GABRB2: variants seen among roughly 807,000 people sequenced by gnomAD.
The protein encoded by GABRB2 is gamma-aminobutyric acid type A receptor subunit beta2, also known as gamma-aminobutyric acid receptor subunit beta-2.
GABRB2 carries 16 observed loss-of-function variants against 54.7 expected under a neutral mutation model. That is an observed-to-expected ratio of 0.29 (90% confidence interval 0.20 to 0.44). GABRB2 has a LOEUF of 0.44. Ranked by LOEUF, GABRB2 falls within the 20% of genes least tolerant of loss-of-function variation. The probability of loss-of-function intolerance (pLI) is 1.00; values close to 1 mark genes in which losing one functional copy is unlikely to be tolerated. For synonymous variants in GABRB2, 244 were observed against 233.8 expected (o/e 1.04, Z -0.40); for missense variants, 355 against 644.0 (o/e 0.55, Z 4.86).
intron 5 of GABRB2, among the ~76,000 whole-genome samples, chr5:161,373,976 T>C (rs560703545): frequency 6.6e-6 from 1 of 152,236 alleles, no homozygotes; most frequent in South Asian, 2.1e-4. Flanking sequence ...TGAGTTTTGC[T>C]CGTGTTGCCC....
chr5:161,494,308 T>C (rs1183405242), intron 3 of GABRB2, among the ~76,000 whole-genome samples: 5 of 151,890 alleles, frequency 3.3e-5, no homozygotes, highest in Admixed American at 3.3e-4. Flanking sequence ...TGCTATTGAC[T>C]GTCTACACTT....
chr5:161,315,677 A>G (rs1214294667), intron 9 of GABRB2, among the ~76,000 whole-genome samples: 3 of 152,192 alleles, frequency 2.0e-5, no homozygotes, highest in African/African-American at 7.2e-5. Context: ...TTATAGATAC[A>G]TAGTAATTAT....
At chr5:161,368,491 G>C (rs1476719470) in intron 5 of GABRB2, among the ~76,000 whole-genome samples, 1 of 152,054 alleles carries the variant, frequency 6.6e-6, no homozygotes, top group Non-Finnish European at 1.5e-5. Flanking sequence ...ATATCACTTT[G>C]CTCATTCTGT....
chr5:161,498,805 C>T (rs543376903), intron 3 of GABRB2, among the ~76,000 whole-genome samples: 5 of 152,236 alleles, frequency 3.3e-5, no homozygotes, highest in South Asian at 2.1e-4. Context: ...CATAAAAGCC[C>T]TCGTGGCTTC....
rs137989466 is a variant in GABRB2 at position 161,390,613 on chromosome 5, G to A, written c.541+20362C>T. Among the ~76,000 whole-genome samples the A allele has an allele frequency of 5.3e-3, 800 of 152,128 alleles. 4 individuals are homozygous for A. Among genetic ancestry groups the A allele is most frequent in the Non-Finnish European group, 8.0e-3 (547 of 67,972 alleles). On this transcript the variant is annotated intron_variant, in intron 5 of 9. Coordinates refer to ENST00000393959, the MANE Select transcript of GABRB2 (RefSeq NM_001371727.1). The stretch of plus-strand genomic sequence containing the variant: ...TGGTCATGTAAAATATTAACATTAG[G>A]CGAAGTTGGGTGAAGAGCATGAAGG...
At chr5:161,492,904 A>G (rs576685588) in intron 3 of GABRB2, among the ~76,000 whole-genome samples, 27 of 151,848 alleles carry the variant, frequency 1.8e-4, no homozygotes, top group Middle Eastern at 3.4e-3. Flanking sequence ...TTGGCTTACA[A>G]AAGTATATAC....
chr5:161,346,758 C>T (rs1376153332), intron 5 of GABRB2, among the ~76,000 whole-genome samples: 1 of 152,072 alleles, frequency 6.6e-6, no homozygotes, highest in African/African-American at 2.4e-5. Flanking sequence ...TAGATATGAA[C>T]CCTTATCTGT....
rs533887073 is a variant in GABRB2 at position 161,376,093 on chromosome 5, T to TA, written c.541+34881dup. Among the ~76,000 whole-genome samples, 41 of 152,120 alleles carry TA rather than the reference T, an allele frequency of 2.7e-4. No homozygotes were observed. The South Asian group carries it at 5.8e-3, about 22-fold the overall frequency. On this transcript the variant is annotated intron_variant, in intron 5 of 9. Coordinates refer to ENST00000393959, the MANE Select transcript of GABRB2 (RefSeq NM_001371727.1). ...GCCACATAGTCTAAAATCTATTAAG[T>TA]AAAAAAAATTTAAATGGTTCTGCAT...
intron 2 of GABRB2, among the ~76,000 whole-genome samples, chr5:161,546,059 A>C (rs1760977513): frequency 6.6e-6 from 1 of 152,254 alleles, no homozygotes; most frequent in Non-Finnish European, 1.5e-5. Context: ...AAGGCAGGGA[A>C]GCAAAGGATT....
At chr5:161,495,208 T>C (rs930767276) in intron 3 of GABRB2, among the ~76,000 whole-genome samples, 1 of 151,994 alleles carries the variant, frequency 6.6e-6, no homozygotes, top group Non-Finnish European at 1.5e-5. Flanking sequence ...CTGAACACTG[T>C]TATTGTAAAG....
chr5:161,542,305 A>G (rs1264520048), intron 3 of GABRB2, among the ~76,000 whole-genome samples: 2 of 152,244 alleles, frequency 1.3e-5, no homozygotes, highest in Non-Finnish European at 2.9e-5. Flanking sequence ...CTACTAGAGA[A>G]ACAGGCTCAT....
chr5:161,378,654 G>A (rs1385643693), intron 5 of GABRB2, among the ~76,000 whole-genome samples: 2 of 152,096 alleles, frequency 1.3e-5, no homozygotes, highest in Non-Finnish European at 2.9e-5. Context: ...AGTAGATAAA[G>A]GGCATTCCCC....
In GABRB2 at chr5:161,356,304, A is replaced by G. The variant is rs114036532; in HGVS notation, c.542-19535T>C. 3.0e-3 allele frequency among the ~76,000 whole-genome samples: 454 copies of G among 152,280 alleles called. 5 individuals are homozygous for G. The highest frequency in any genetic ancestry group is 0.011 in the African/African-American group (442 of 41,562). ...GTAGCAACATTATCTCCAAGGCCCT[A>G]TGTGATTTGAATCTGCCTTCTGTCT... On this transcript the variant is annotated intron_variant, in intron 5 of 9. Transcript: ENST00000393959.
Position 161,449,006 on chromosome 5 carries a change from C to T in GABRB2, c.458+10618G>A, listed in dbSNP as rs181060546. On this transcript the variant is annotated intron_variant, in intron 4 of 9. Coordinates refer to ENST00000393959, the MANE Select transcript of GABRB2 (RefSeq NM_001371727.1). ...AAGACATCTCTCCAGAGGGGAATCT[C>T]TTTAGAGGGGAGATGAATGAATACT... Among the ~76,000 whole-genome samples, 17 of 152,276 alleles carry T rather than the reference C, an allele frequency of 1.1e-4. No individual in the cohort carries two copies. The East Asian group carries it at 3.1e-3, about 28-fold the overall frequency.
chr5:161,533,195 G>A (rs1468311737), intron 3 of GABRB2, among the ~76,000 whole-genome samples: 1 of 152,104 alleles, frequency 6.6e-6, no homozygotes, highest in Non-Finnish European at 1.5e-5. Flanking sequence ...AACAGCAAGA[G>A]CCAATGGGCT....
At chr5:161,323,027 CTTTT>C (rs397882556) in intron 9 of GABRB2, among the ~76,000 whole-genome samples, 1 of 140,940 alleles carries the variant, frequency 7.1e-6, no homozygotes. Context: ...TTGAAATATA[CTTTT>C]TTTTTTTTTT....
chr5:161,547,212 G>A (rs1463884850), upstream of GABRB2: 2 of 128,794 alleles, frequency 1.6e-5, no homozygotes, highest in Non-Finnish European at 3.3e-5. Context: ...GGGGGGCGGG[G>A]GTTGTGCAGC....
intron 3 of GABRB2, among the ~76,000 whole-genome samples, chr5:161,476,215 T>G (rs1340157162): frequency 6.6e-6 from 1 of 151,808 alleles, no homozygotes; most frequent in African/African-American, 2.4e-5. Flanking sequence ...AGTAAAATAC[T>G]TAGGAATAAA....
intron 5 of GABRB2, among the ~76,000 whole-genome samples, chr5:161,347,040 T>C (rs1382999379): frequency 6.6e-6 from 1 of 152,100 alleles, no homozygotes; most frequent in East Asian, 1.9e-4. Flanking sequence ...TAGACATATA[T>C]GCACAGTTAA....
Sources: allele counts gnomAD v4.1 joint callset (sites outside exome capture counted in the v4.1 genomes callset), GRCh38; gene constraint gnomAD v4.1.1; transcripts MANE v1.5; gene names NCBI Gene and HGNC (gene_info 2026-07-23, HGNC 2026-07-21).